Variants in APPBP2 observed in about 807,000 individuals in gnomAD.
APPBP2 encodes amyloid protein-binding protein 2.
APPBP2 carries 15 observed loss-of-function variants against 76.0 expected under a neutral mutation model. That is an observed-to-expected ratio of 0.20 (90% CI 0.13 to 0.30). The LOEUF (loss-of-function observed/expected upper bound fraction) is 0.30. Ranked by LOEUF, APPBP2 falls within the 10% of genes least tolerant of loss-of-function variation. The pLI is 1.00. For missense variants in APPBP2, 401 were observed against 687.2 expected, an observed-to-expected ratio of 0.58 and a Z score of 4.66; for synonymous variants, 222 against 242.2, an observed-to-expected ratio of 0.92 and a Z score of 0.77.
chr17:60,453,296 G>C lies in APPBP2; in HGVS notation c.1338+1006C>G, dbSNP rs577129774. 2.5e-3 allele frequency among the ~76,000 whole-genome samples: 378 copies of C among 151,856 alleles called. 1 individual carries two copies. The highest frequency in any genetic ancestry group is 8.9e-3 in the African/African-American group (367 of 41,406). ...TCTCCCAGGTTCAAGCAATTCTCCT[G>C]TCTCAGCCTCCTGAGTAGCTGGGAC... On this transcript the variant is annotated intron_variant, in intron 11 of 12. Coordinates refer to ENST00000083182, the MANE Select transcript of APPBP2 (RefSeq NM_006380.5).
At chr17:60,463,609 T>G (rs775007201) in intron 6 of APPBP2, among the ~76,000 whole-genome samples, 1 of 152,226 alleles carries the variant, frequency 6.6e-6, no homozygotes, top group Non-Finnish European at 1.5e-5. Context: ...ACTGCAATAC[T>G]ATGACAAAGA....
chr17:60,489,967 G>T (rs1461345934), intron 3 of APPBP2, among the ~76,000 whole-genome samples: 1 of 152,070 alleles, frequency 6.6e-6, no homozygotes, highest in Non-Finnish European at 1.5e-5. Flanking sequence ...CACAAGAGGC[G>T]GAAGTTGCAG....
At chr17:60,462,891 C>A (rs1465243235) in intron 6 of APPBP2, among the ~76,000 whole-genome samples, 1 of 145,840 alleles carries the variant, frequency 6.9e-6, no homozygotes, top group African/African-American at 2.6e-5. Flanking sequence ...GCGGAGCCTG[C>A]AGTGACCCGA....
chr17:60,464,005 T>G lies in APPBP2; in HGVS notation c.762+16A>C. On this transcript the variant is annotated intron_variant, in intron 6 of 12. Coordinates refer to ENST00000083182, the MANE Select transcript of APPBP2 (RefSeq NM_006380.5). ...AAATCCTATAATTCATTTAATAATT[T>G]TAACATTATATTTACCTTAGAAGCT... 6.6e-7 allele frequency: 1 copy of G among 1,523,798 alleles called. No homozygotes were observed. The allele number at this position is 1,523,798 out of a possible 1,614,324, so 94.4% of individuals were successfully genotyped here. A position where few individuals can be genotyped will look rare whatever the true frequency, so the allele number is the denominator to read the frequency against.
At position 60,446,021 on chromosome 17, in the gene APPBP2, G is replaced by C. The variant is rs550145660; in HGVS notation, c.*1560C>G. 1.8e-4 allele frequency: 27 copies of C among 152,242 alleles called. No individual in the cohort carries two copies. The highest frequency in any genetic ancestry group is 6.0e-4 in the African/African-American group (25 of 41,534). The allele number at this position is 152,242 out of a possible 1,614,324, so 9.4% of individuals were successfully genotyped here. Reference sequence around the variant, plus strand: ...CAACTTTTCTGTACTCAATGTGGCAGACAGCTTAGATTTTTTTCCCCTCTC... The same window carrying C: ...CAACTTTTCTGTACTCAATGTGGCACACAGCTTAGATTTTTTTCCCCTCTC... On this transcript the variant is annotated 3_prime_UTR_variant, in exon 13 of 13. Coordinates refer to ENST00000083182, the MANE Select transcript of APPBP2 (RefSeq NM_006380.5).
chr17:60,461,018 A>C (rs7213259), intron 8 of APPBP2: 13,810 of 245,696 alleles, frequency 0.056, 1,840 homozygotes, highest in African/African-American at 0.29. Context: ...TAATAATAAT[A>C]ATCATTCCTA....
chr17:60,486,064 C>G (rs573794835), intron 3 of APPBP2, among the ~76,000 whole-genome samples: 1 of 152,120 alleles, frequency 6.6e-6, no homozygotes. Flanking sequence ...GTCTGAGAGA[C>G]AGTTTGTTGT....
At chr17:60,525,156 A>C (rs2091041860) in intron 1 of APPBP2, among the ~76,000 whole-genome samples, 1 of 152,214 alleles carries the variant, frequency 6.6e-6, no homozygotes, top group Admixed American at 6.5e-5. Context: ...CTCTTCAAAC[A>C]GTTGATCAGC....
intron 6 of APPBP2, 77 bp from the exon 7 acceptor site, chr17:60,462,138 G>T: frequency 9.0e-7 from 1 of 1,113,070 alleles, no homozygotes; most frequent in Non-Finnish European, 1.3e-6. Flanking sequence ...TATATATTCT[G>T]GCTATAAGAG....
chr17:60,502,848 C>CT (rs1261732623), intron 1 of APPBP2, among the ~76,000 whole-genome samples: 1 of 145,508 alleles, frequency 6.9e-6, no homozygotes, highest in Admixed American at 6.6e-5. Flanking sequence ...AAAACTCTGT[C>CT]TCAAAAAAAA....
chr17:60,483,258 C>T (rs1362934891), intron 3 of APPBP2, among the ~76,000 whole-genome samples: 1 of 152,112 alleles, frequency 6.6e-6, no homozygotes, highest in East Asian at 1.9e-4. Flanking sequence ...GTCCTTTGCC[C>T]ACTTTTTGAT....
intron 1 of APPBP2, among the ~76,000 whole-genome samples, chr17:60,503,647 A>G (rs1039853248): frequency 2.0e-5 from 3 of 146,594 alleles, no homozygotes; most frequent in African/African-American, 5.5e-5. Context: ...TAGCCTCCCA[A>G]TGTGCTGGGA....
intron 2 of APPBP2, among the ~76,000 whole-genome samples, chr17:60,496,122 G>A (rs1567934899): frequency 6.6e-6 from 1 of 152,142 alleles, no homozygotes; most frequent in Non-Finnish European, 1.5e-5. Flanking sequence ...AGAAACTGAG[G>A]AAAAAGTTAC....
At chr17:60,493,644 CTTTTTTTTTT>C (rs551786086) in intron 3 of APPBP2, among the ~76,000 whole-genome samples, 1 of 128,584 alleles carries the variant, frequency 7.8e-6, no homozygotes, top group Non-Finnish European at 1.6e-5. Flanking sequence ...TTTTTTTTTT[CTTTTTTTTTT>C]TTTCTGAGAC....
chr17:60,494,151 C>G (rs1227324428), intron 3 of APPBP2, among the ~76,000 whole-genome samples: 1 of 152,206 alleles, frequency 6.6e-6, no homozygotes, highest in Non-Finnish European at 1.5e-5. Flanking sequence ...ATTATGGAAT[C>G]ACATAGACAC....
intron 3 of APPBP2, among the ~76,000 whole-genome samples, chr17:60,486,746 C>G (rs915172673): frequency 2.6e-5 from 4 of 152,052 alleles, no homozygotes; most frequent in African/African-American, 9.7e-5. Flanking sequence ...ATGATGTTAG[C>G]CGGTTATTTT....
chr17:60,486,674 G>A (rs1175212997), intron 3 of APPBP2, among the ~76,000 whole-genome samples: 4 of 152,002 alleles, frequency 2.6e-5, no homozygotes, highest in African/African-American at 9.7e-5. Context: ...CTTTTAATTG[G>A]GGCATTTAGC....
chr17:60,465,695 C>T (rs1019440855), intron 5 of APPBP2, among the ~76,000 whole-genome samples: 1 of 152,252 alleles, frequency 6.6e-6, no homozygotes, highest in East Asian at 1.9e-4. Context: ...AAGCAAGATC[C>T]TGTCTCAAAA....
intron 1 of APPBP2, 138 bp downstream of exon 1, chr17:60,525,656 A>T: frequency 7.4e-7 from 1 of 1,342,396 alleles, no homozygotes; most frequent in Non-Finnish European, 1.0e-6. Context: ...CTGGCAATGC[A>T]GACACCGCAC....
Sources: allele counts gnomAD v4.1 joint callset (sites outside exome capture counted in the v4.1 genomes callset), GRCh38; gene constraint gnomAD v4.1.1; transcripts MANE v1.5; gene names NCBI Gene and HGNC (gene_info 2026-07-23, HGNC 2026-07-21).